Variants in IMPG2 observed in about 807,000 individuals in gnomAD.
IMPG2 encodes the protein interphotoreceptor matrix proteoglycan 2.
IMPG2 carries 91 observed loss-of-function variants against 129.2 expected under a neutral mutation model. The observed-to-expected ratio is 0.70, with a 90% CI of 0.59 to 0.84. The LOEUF is 0.84. Ranked by LOEUF, IMPG2 falls within the 40% of genes least tolerant of loss-of-function variation. The pLI is 0.00. For synonymous variants in IMPG2, 510 were observed against 517.7 expected (o/e 0.99, Z 0.20); for missense variants, 1,430 against 1,461.7 (o/e 0.98, Z 0.35).
chr3:101,243,831 C>T lies in IMPG2; in HGVS notation c.2500G>A (p.Gly834Ser), dbSNP rs1436103314. ...STLLEDEVIM[G>S]VQDISLELDR... is the part of the protein sequence containing the mutation. ...AGTTCTAACGAAATATCCTGTACAC[C>T]CATAATTACTTCATCCTCTAGCAGG... Residue 834 changes from glycine to serine, a missense_variant, in exon 13 of 19, where the codon GGT becomes AGT. Physicochemically the swap from Gly to Ser is moderately conservative, Grantham distance 56 (BLOSUM62 0). Transcript: ENST00000193391. The T allele has an allele frequency of 1.2e-6, 2 of 1,614,106 alleles. No homozygotes were observed. The highest frequency in any genetic ancestry group is 3.3e-5 in the Admixed American group (2 of 60,008).
At chr3:101,290,444 G>T (rs1450300804) in intron 4 of IMPG2, among the ~76,000 whole-genome samples, 1 of 152,148 alleles carries the variant, frequency 6.6e-6, no homozygotes, top group East Asian at 1.9e-4. Flanking sequence ...GGGAGCACGA[G>T]GCTGCAGTGA....
At chr3:101,266,527 T>G (rs1259843616) in intron 9 of IMPG2, among the ~76,000 whole-genome samples, 1 of 152,200 alleles carries the variant, frequency 6.6e-6, no homozygotes, top group Non-Finnish European at 1.5e-5. Flanking sequence ...TCTCCCACCA[T>G]GTACTCCTTT....
At chr3:101,273,283 T>C (rs1706806965) in intron 7 of IMPG2, among the ~76,000 whole-genome samples, 1 of 152,222 alleles carries the variant, frequency 6.6e-6, no homozygotes, top group Non-Finnish European at 1.5e-5. Context: ...AGAAGCTTAT[T>C]TCTCCAAATA....
chr3:101,268,047 A>G (rs990885955), intron 8 of IMPG2, among the ~76,000 whole-genome samples: 1 of 152,204 alleles, frequency 6.6e-6, no homozygotes, highest in Non-Finnish European at 1.5e-5. Context: ...AGCATTTTAT[A>G]AAAATTGATT....
Position 101,224,423 on chromosome 3 carries a change from C to T in IMPG2, c.*2546G>A, listed in dbSNP as rs895569335. 1.3e-5 allele frequency: 2 copies of T among 152,124 alleles called. No homozygotes were observed. The highest frequency in any genetic ancestry group is 4.8e-5 in the African/African-American group (2 of 41,416). The allele number at this position is 152,124 out of a possible 1,614,324, so 9.4% of individuals were successfully genotyped here. On this transcript the variant is annotated 3_prime_UTR_variant, in exon 19 of 19. Transcript: ENST00000193391. ...TAGTATTTTCACATAAGGTGATAGT[C>T]TTGTTGAATATTATATTGCTAGGTT... is the stretch of plus-strand genomic sequence containing the variant.
chr3:101,228,738 A>C, intron 18 of IMPG2, 59 bp downstream of exon 18: 5 of 1,260,364 alleles, frequency 4.0e-6, no homozygotes, highest in Non-Finnish European at 5.8e-6. Context: ...GTGTGACATT[A>C]CTCTAGAGTA....
chr3:101,275,900 T>C (rs1168157685), intron 5 of IMPG2, among the ~76,000 whole-genome samples, 155 bp from the exon 6 acceptor site: 1 of 152,218 alleles, frequency 6.6e-6, no homozygotes, highest in African/African-American at 2.4e-5. Context: ...AGGACATATT[T>C]GTATGGAGCC....
intron 10 of IMPG2, among the ~76,000 whole-genome samples, chr3:101,256,447 C>A (rs991093059): frequency 6.6e-6 from 1 of 151,960 alleles, no homozygotes; most frequent in African/African-American, 2.4e-5. Flanking sequence ...CAAGCCCCAA[C>A]TCAAAAAAAT....
chr3:101,227,735 T>G (rs953293489), intron 18 of IMPG2: 1 of 451,718 alleles, frequency 2.2e-6, no homozygotes, highest in Non-Finnish European at 4.5e-6. Context: ...AGGAGCCAAG[T>G]CAGATGTTCA....
intron 3 of IMPG2, among the ~76,000 whole-genome samples, chr3:101,294,256 C>T (rs1307420320): frequency 2.0e-5 from 3 of 152,046 alleles, no homozygotes; most frequent in Admixed American, 6.6e-5. Context: ...CCCCACCCCC[C>T]GACTAGCCCT....
At chr3:101,308,579 A>C (rs996536659) in intron 2 of IMPG2, among the ~76,000 whole-genome samples, 1 of 152,242 alleles carries the variant, frequency 6.6e-6, no homozygotes, top group Non-Finnish European at 1.5e-5. Flanking sequence ...TGCATAAAGC[A>C]GCAAGGCCCT....
At chr3:101,301,330 G>A (rs1384029780) in intron 3 of IMPG2, among the ~76,000 whole-genome samples, 1 of 152,192 alleles carries the variant, frequency 6.6e-6, no homozygotes, top group Non-Finnish European at 1.5e-5. Flanking sequence ...ACATGCTGTT[G>A]GAAGAATGGT....
intron 3 of IMPG2, among the ~76,000 whole-genome samples, chr3:101,301,429 A>G (rs937944946): frequency 2.6e-5 from 4 of 152,232 alleles, no homozygotes; most frequent in Non-Finnish European, 5.9e-5. Flanking sequence ...GGGCAGCACA[A>G]TAAAATAAAG....
intron 3 of IMPG2, among the ~76,000 whole-genome samples, chr3:101,295,246 T>C (rs1216891555): frequency 6.6e-6 from 1 of 152,236 alleles, no homozygotes; most frequent in Non-Finnish European, 1.5e-5. Context: ...TATCTTGAGT[T>C]AATTTTTGTA....
chr3:101,294,458 T>C (rs1254298151), intron 3 of IMPG2, among the ~76,000 whole-genome samples: 1 of 152,240 alleles, frequency 6.6e-6, no homozygotes, highest in Non-Finnish European at 1.5e-5. Flanking sequence ...TTCCATGGTG[T>C]ATACGCACCA....
At chr3:101,309,804 C>G (rs1196227669) in intron 2 of IMPG2, among the ~76,000 whole-genome samples, 1 of 152,090 alleles carries the variant, frequency 6.6e-6, no homozygotes, top group African/African-American at 2.4e-5. Context: ...GAAAACAACC[C>G]AAGTATCCAT....
chr3:101,257,505 C>A (rs1214030803), intron 10 of IMPG2, 24 bp downstream of exon 10: 3 of 1,612,506 alleles, frequency 1.9e-6, no homozygotes, highest in African/African-American at 2.7e-5. Context: ...TATACAAGGA[C>A]TTCATGATGG....
chr3:101,253,919 A>G, intron 10 of IMPG2, 138 bp from the exon 11 acceptor site: 1 of 660,146 alleles, frequency 1.5e-6, no homozygotes, highest in Non-Finnish European at 2.7e-6. Context: ...TTACTTAGAA[A>G]ATGTTTGTTA....
In IMPG2 at chr3:101,319,713, T is replaced by C; in HGVS notation, c.205A>G (p.Arg69Gly). 6.2e-7 allele frequency: 1 copy of C among 1,613,748 alleles called. No homozygotes were observed. Among genetic ancestry groups the C allele is most frequent in the East Asian group, 2.2e-5 (1 of 44,864 alleles). Residue 69 changes from arginine to glycine, a missense_variant, in exon 2 of 19, where the codon AGA (arginine) becomes GGA (glycine). Physicochemically the swap from Arg to Gly is moderately radical, Grantham distance 125. Transcript: ENST00000193391. ...ATKKKQPLDR[R>G]ETERQWLIRR... ...ATTAACCACTGTCTTTCAGTTTCTC[T>C]GCGGTCCAGAGGCTGTTTCTTTTTG...
Sources: allele counts gnomAD v4.1 joint callset (sites outside exome capture counted in the v4.1 genomes callset), GRCh38; gene constraint gnomAD v4.1.1; transcripts MANE v1.5; gene names NCBI Gene and HGNC (gene_info 2026-07-23, HGNC 2026-07-21).